CTNNA2: variants seen among roughly 807,000 people sequenced by gnomAD.
The protein encoded by CTNNA2 is catenin alpha 2, also known as catenin alpha-2.
CTNNA2 carries 42 observed loss-of-function variants against 101.0 expected under a neutral mutation model. That is an observed-to-expected ratio of 0.42 (90% CI 0.32 to 0.54). The LOEUF (loss-of-function observed/expected upper bound fraction) is 0.54, where lower values mean the gene tolerates loss of function less well. CTNNA2 is among the 20% of genes least tolerant of loss of function. CTNNA2 has a pLI of 0.14. For synonymous variants in CTNNA2, 450 were observed against 456.4 expected (o/e 0.99, Z 0.18); for missense variants, 871 against 1,223.1 (o/e 0.71, Z 4.29).
chr2:79,349,569 T>C (rs1478606805), intron 3 of CTNNA2, among the ~76,000 whole-genome samples: 1 of 152,204 alleles, frequency 6.6e-6, no homozygotes, highest in Non-Finnish European at 1.5e-5. Context: ...AATGGAAAGA[T>C]AATTAACATT....
chr2:80,608,349 G>A (rs765439415), intron 17 of CTNNA2, 31 bp downstream of exon 17: 32 of 1,586,592 alleles, frequency 2.0e-5, no homozygotes, highest in Middle Eastern at 1.7e-4. Flanking sequence ...ACAATGTAAA[G>A]TTCCCACCGT....
intron 4 of CTNNA2, among the ~76,000 whole-genome samples, chr2:79,450,304 C>T (rs1044376443): frequency 6.6e-6 from 1 of 151,930 alleles, no homozygotes; most frequent in Admixed American, 6.6e-5. Flanking sequence ...ATGCTACGGT[C>T]CACTGGTATG....
At chr2:80,306,400 T>TTTTCTTTTCTTTCTTTCTTTCTTTCTTTC in intron 7 of CTNNA2, among the ~76,000 whole-genome samples, 1 of 109,270 alleles carries the variant, frequency 9.2e-6, no homozygotes, top group East Asian at 2.7e-4. Context: ...TTTTCTTTTC[T>TTTTCTTTTCTTTCTTTCTTTCTTTCTTTC]TTTCTTTCTT....
chr2:80,460,469 T>G (rs1684333514), intron 9 of CTNNA2, among the ~76,000 whole-genome samples: 1 of 152,184 alleles, frequency 6.6e-6, no homozygotes. Context: ...TGACATAGGC[T>G]TTAAGAAAAA....
At chr2:79,438,609 A>G (rs1031543136) in intron 4 of CTNNA2, among the ~76,000 whole-genome samples, 2 of 152,156 alleles carry the variant, frequency 1.3e-5, no homozygotes, top group Admixed American at 1.3e-4. Context: ...GAGACAACCA[A>G]AAGTGTCTCC....
intron 4 of CTNNA2, among the ~76,000 whole-genome samples, chr2:79,456,943 T>C (rs780626100): frequency 6.6e-6 from 1 of 152,174 alleles, no homozygotes; most frequent in Non-Finnish European, 1.5e-5. Context: ...GGCTCACGCC[T>C]GTAATCCCAG....
chr2:79,731,749 G>C (rs1043486903), intron 2 of CTNNA2, among the ~76,000 whole-genome samples: 3 of 152,038 alleles, frequency 2.0e-5, no homozygotes, highest in East Asian at 1.9e-4. Flanking sequence ...AGACATTTGA[G>C]ATATCTTTAA....
chr2:80,583,503 T>C (rs1695715631), intron 14 of CTNNA2, among the ~76,000 whole-genome samples: 1 of 152,218 alleles, frequency 6.6e-6, no homozygotes, highest in African/African-American at 2.4e-5. Flanking sequence ...AGCATTGTTA[T>C]GTCACTGACA....
intron 7 of CTNNA2, among the ~76,000 whole-genome samples, chr2:80,079,872 TAAAATAAAATAATAAAATA>T: frequency 6.9e-6 from 1 of 144,204 alleles, no homozygotes; most frequent in South Asian, 2.2e-4. Flanking sequence ...TAAAATAAAA[TAAAATAAAATAATAAAATA>T]AAATAAATAA....
chr2:79,692,658 A>C (rs1400458254), intron 2 of CTNNA2, among the ~76,000 whole-genome samples: 1 of 152,128 alleles, frequency 6.6e-6, no homozygotes, highest in Non-Finnish European at 1.5e-5. Flanking sequence ...GATAAAGAAA[A>C]TGTGACACAT....
chr2:79,257,916 C>T (rs188833103), intron 2 of CTNNA2, among the ~76,000 whole-genome samples: 24 of 152,246 alleles, frequency 1.6e-4, no homozygotes, highest in Admixed American at 1.6e-3. Flanking sequence ...GCAAATCCCC[C>T]TTGCCCCCTC....
At chr2:80,363,930 G>T (rs985335265) in intron 7 of CTNNA2, among the ~76,000 whole-genome samples, 1 of 152,014 alleles carries the variant, frequency 6.6e-6, no homozygotes, top group African/African-American at 2.4e-5. Flanking sequence ...CACTTGTGTC[G>T]CTTACCCAAT....
intron 7 of CTNNA2, among the ~76,000 whole-genome samples, chr2:80,146,710 G>T (rs1400123309): frequency 1.4e-3 from 86 of 61,730 alleles, no homozygotes; most frequent in South Asian, 2.8e-3. Context: ...GTCCCCTCTG[G>T]TTTTTTTTTT....
chr2:79,381,601 G>T (rs1382581390), intron 4 of CTNNA2, among the ~76,000 whole-genome samples: 3 of 152,158 alleles, frequency 2.0e-5, no homozygotes, highest in Non-Finnish European at 4.4e-5. Context: ...TAAGCCAGAC[G>T]GAAGAGGCTA....
At chr2:80,094,719 C>T (rs541454178) in intron 7 of CTNNA2, among the ~76,000 whole-genome samples, 6,233 of 152,204 alleles carry the variant, frequency 0.041, 179 homozygotes, top group Non-Finnish European at 0.064. Flanking sequence ...AGAGGTCCTT[C>T]ACATCCCTTG....
At chr2:80,434,039 T>C (rs1681793603) in intron 9 of CTNNA2, among the ~76,000 whole-genome samples, 1 of 152,200 alleles carries the variant, frequency 6.6e-6, no homozygotes, top group East Asian at 1.9e-4. Flanking sequence ...AATGACTGCC[T>C]CAGAATTCTG....
At chr2:79,723,468 G>A (rs1291691113) in intron 2 of CTNNA2, among the ~76,000 whole-genome samples, 1 of 152,130 alleles carries the variant, frequency 6.6e-6, no homozygotes, top group Non-Finnish European at 1.5e-5. Context: ...AGACAGCTAT[G>A]CCACTCATCA....
intron 2 of CTNNA2, among the ~76,000 whole-genome samples, chr2:79,308,459 T>C (rs1169706794): frequency 6.6e-6 from 1 of 152,250 alleles, no homozygotes; most frequent in Admixed American, 6.5e-5. Flanking sequence ...AGATTGTCTT[T>C]TCACTCTGTG....
intron 1 of CTNNA2, among the ~76,000 whole-genome samples, chr2:79,527,434 A>G (rs969213112): frequency 6.8e-6 from 1 of 146,196 alleles, no homozygotes; most frequent in Non-Finnish European, 1.5e-5. Context: ...GATCGAGACC[A>G]TCCTGGCCAA....
Sources: gnomAD v4.1 joint callset for allele counts (sites outside exome capture counted in the v4.1 genomes callset) on GRCh38, gnomAD v4.1.1 for gene constraint, MANE v1.5 for transcripts, NCBI Gene and HGNC (gene_info 2026-07-23, HGNC 2026-07-21) for gene names.